Variants in DHPS observed in about 807,000 individuals in gnomAD.
DHPS encodes deoxyhypusine synthase, also known as migration-inducing gene 13.
A neutral mutation model predicts 38.7 loss-of-function variants in DHPS; 24 were observed. That is an observed-to-expected ratio of 0.62 (90% CI 0.45 to 0.87). The LOEUF (loss-of-function observed/expected upper bound fraction) is 0.87. Ranked by LOEUF, DHPS falls within the 40% of genes least tolerant of loss-of-function variation. DHPS has a pLI of 0.00. For synonymous variants in DHPS, 250 were observed against 204.4 expected, an observed-to-expected ratio of 1.22 and a Z score of -1.90; for missense variants, 510 against 497.6, an observed-to-expected ratio of 1.02 and a Z score of -0.24.
chr19:12,679,955 A>G (rs2024744060), intron 2 of DHPS, 33 bp from the exon 3 acceptor site: 2 of 1,599,510 alleles, frequency 1.3e-6, no homozygotes, highest in East Asian at 4.5e-5. Flanking sequence ...TTGGCCCAAG[A>G]AGGAAGCCCC....
intron 5 of DHPS, among the ~76,000 whole-genome samples, chr19:12,677,981 G>A (rs549479361): frequency 2.6e-5 from 4 of 150,998 alleles, no homozygotes; most frequent in African/African-American, 7.3e-5. Flanking sequence ...GGCCGGGCGC[G>A]GTGGCTCACG....
chr19:12,678,768 C>CTA (rs1491337595), intron 5 of DHPS, among the ~76,000 whole-genome samples: 1 of 46,338 alleles, frequency 2.2e-5, no homozygotes. Flanking sequence ...GACTCTGTCT[C>CTA]AAAAAAAAAA....
chr19:12,672,733 G>C (rs1243501819), downstream of DHPS: 1 of 1,124,458 alleles, frequency 8.9e-7, no homozygotes, highest in Non-Finnish European at 1.3e-6. Context: ...CAGAGCTTCA[G>C]AATTCCACTC....
chr19:12,681,572 T>A lies in DHPS; in HGVS notation c.195A>T (p.Gln65His). ...QATNFGRAVQ[Q>H]VNAMIEKKLE... ...GCCCGGTCCTCACCATGGCATTGAC[T>A]TGCTGTACAGCGCGCCCGAAGTTGG... Residue 65 changes from glutamine (Q) to histidine (H), a missense_variant, in exon 1 of 9, where the codon CAA (glutamine) becomes CAT (histidine). Coordinates refer to ENST00000210060, the MANE Select transcript of DHPS (RefSeq NM_001930.4). The A allele has an allele frequency of 6.2e-7, 1 of 1,614,290 alleles. No individual in the cohort carries two copies. Among genetic ancestry groups the A allele is most frequent in the East Asian group, 2.2e-5 (1 of 44,890 alleles).
chr19:12,680,447 C>A, intron 1 of DHPS, 122 bp from the exon 2 acceptor site: 1 of 969,036 alleles, frequency 1.0e-6, no homozygotes, highest in Non-Finnish European at 1.6e-6. Flanking sequence ...AGGACCAGTT[C>A]TACAGGGGAC....
At chr19:12,680,972 T>A (rs1185043003) in intron 1 of DHPS, 2 of 332,694 alleles carry the variant, frequency 6.0e-6, no homozygotes, top group African/African-American at 4.7e-5. Context: ...TAGCTGGGAC[T>A]ACAGGCGCGC....
intron 5 of DHPS, among the ~76,000 whole-genome samples, chr19:12,677,845 T>G (rs568316446): frequency 9.9e-5 from 15 of 151,944 alleles, no homozygotes; most frequent in African/African-American, 3.6e-4. Context: ...TTCCACCATG[T>G]TGGCCAGGCT....
Position 12,676,089 on chromosome 19 carries a change from G to C in DHPS, c.942C>G (p.Gly314=). ...VYINTAQEFD[G]SDSGARPDEA... is the part of the protein sequence containing the mutation. ...CGTCTGGTCGGGCACCTGAGTCAGA[G>C]CCATCAAACTCCTGGGCTGTGTTGA... is the stretch of plus-strand genomic sequence containing the variant. The change falls in exon 8 of 9, where the codon GGC becomes GGG. Residue 314 remains glycine (G), a synonymous_variant. Coordinates refer to ENST00000210060, the MANE Select transcript of DHPS (RefSeq NM_001930.4). 6.2e-7 allele frequency: 1 copy of C among 1,613,966 alleles called. No homozygotes were observed. Among genetic ancestry groups the C allele is most frequent in the South Asian group, 1.1e-5 (1 of 91,072 alleles).
intron 1 of DHPS, 21 bp downstream of exon 1, chr19:12,681,538 AG>A: frequency 6.2e-7 from 1 of 1,613,824 alleles, no homozygotes; most frequent in Non-Finnish European, 8.5e-7. Flanking sequence ...CCGCGTCCCT[AG>A]AAATTCCGCC....
intron 7 of DHPS, chr19:12,676,754 C>T (rs927822821): frequency 2.2e-5 from 7 of 317,362 alleles, no homozygotes; most frequent in Admixed American, 2.1e-4. Flanking sequence ...CTTTGCAATC[C>T]AGAAGCTCAA....
At chr19:12,676,931 G>A (rs1003419228) in intron 7 of DHPS, 177 bp downstream of exon 7, 10 of 625,818 alleles carry the variant, frequency 1.6e-5, no homozygotes, top group African/African-American at 1.1e-4. Context: ...AGTATTCCCC[G>A]TAGCAATGAC....
At chr19:12,676,352 C>T in intron 7 of DHPS, 1 of 627,588 alleles carries the variant, frequency 1.6e-6, no homozygotes, top group Non-Finnish European at 2.7e-6. Flanking sequence ...GACCCAACAG[C>T]CAGGTGTCAA....
intron 7 of DHPS, chr19:12,676,461 A>G (rs2024592388): frequency 3.0e-6 from 1 of 333,250 alleles, no homozygotes; most frequent in Non-Finnish European, 5.7e-6. Context: ...CTGCATGGTC[A>G]CCACTGTCCT....
intron 1 of DHPS, among the ~76,000 whole-genome samples, 174 bp from the exon 2 acceptor site, chr19:12,680,499 A>G (rs1348161338): frequency 6.6e-6 from 1 of 151,356 alleles, no homozygotes; most frequent in Non-Finnish European, 1.5e-5. Flanking sequence ...TTCCCAGACC[A>G]GATCTCAAGA....
At position 12,681,810 on chromosome 19, in the gene DHPS, G is replaced by C; in HGVS notation, c.-44C>G. 6.4e-7 allele frequency: 1 copy of C among 1,560,718 alleles called. No individual in the cohort carries two copies. Among genetic ancestry groups the C allele is most frequent in the East Asian group, 2.3e-5 (1 of 44,216 alleles). Reference sequence around the variant, plus strand: ...CGAGTCAAAGCTGCCCCTAGGCCGGGCTTACGGCGGCCCAGAAACGCGTTA... The same window carrying C: ...CGAGTCAAAGCTGCCCCTAGGCCGGCCTTACGGCGGCCCAGAAACGCGTTA... On this transcript the variant is annotated 5_prime_UTR_variant, in exon 1 of 9. Coordinates refer to ENST00000210060, the MANE Select transcript of DHPS (RefSeq NM_001930.4).
At chr19:12,676,785 C>T in intron 7 of DHPS, 1 of 393,254 alleles carries the variant, frequency 2.5e-6, no homozygotes. Context: ...GCAGCACAAA[C>T]TCCTGGCACG....
Position 12,681,828 on chromosome 19 carries a change from A to G in DHPS, c.-62T>C. 1.4e-6 allele frequency: 2 copies of G among 1,465,720 alleles called. No homozygotes were observed. Among genetic ancestry groups the G allele is most frequent in the African/African-American group, 1.4e-5 (1 of 72,100 alleles). The allele number at this position is 1,465,720 out of a possible 1,614,324, so 90.8% of individuals were successfully genotyped here. On this transcript the variant is annotated 5_prime_UTR_variant, in exon 1 of 9. Coordinates refer to ENST00000210060, the MANE Select transcript of DHPS (RefSeq NM_001930.4). ...AGGCCGGGCTTACGGCGGCCCAGAA[A>G]CGCGTTAAACCCCGACGCGCGCGTC... is the stretch of plus-strand genomic sequence containing the variant.
Position 12,675,951 on chromosome 19 carries a change from T to C in DHPS, c.1015-18A>G. 1 of 1,602,264 alleles carries C rather than the reference T, an allele frequency of 6.2e-7. No homozygotes were observed. Among genetic ancestry groups the C allele is most frequent in the South Asian group, 1.1e-5 (1 of 89,902 alleles). On this transcript the variant is annotated intron_variant, in intron 8 of 8. Transcript: ENST00000210060. ...GCATAGACCTGGGTAGGGGGGAACC[T>C]GGGTAAGCCATGGGACCCACACTCA...
Position 12,680,261 on chromosome 19 carries a change from C to A in DHPS, c.272G>T (p.Arg91Leu), listed in dbSNP as rs145815031. 1.2e-6 allele frequency: 2 copies of A among 1,614,124 alleles called. No homozygotes were observed. The highest frequency in any genetic ancestry group is 1.7e-6 in the Non-Finnish European group (2 of 1,180,012). Residue 91 changes from arginine to leucine, a missense_variant, in exon 2 of 9, where the codon CGC becomes CTC. Arg to Leu is a moderately radical substitution (Grantham distance 102, BLOSUM62 -2). Transcript: ENST00000210060. ...AATGGTGCAGCTGGTAAGTGGGCGG[C>A]GGCTCTGGGTCAGGTCCGCGTGCTG... ...EDQHADLTQS[R>L]RPLTSCTIFL...
Sources: allele counts gnomAD v4.1 joint callset (sites outside exome capture counted in the v4.1 genomes callset), GRCh38; gene constraint gnomAD v4.1.1; transcripts MANE v1.5; gene names NCBI Gene and HGNC (gene_info 2026-07-23, HGNC 2026-07-21).